KCND2: variants seen among roughly 807,000 people sequenced by gnomAD.
KCND2 encodes the protein potassium voltage-gated channel subfamily D member 2.
Under a neutral mutation model 54.4 loss-of-function variants are expected in KCND2, and 16 were observed. The observed-to-expected ratio is 0.29, with a 90% CI of 0.20 to 0.45. The LOEUF (loss-of-function observed/expected upper bound fraction) is 0.45, where lower values mean the gene tolerates loss of function less well. KCND2 is among the 20% of genes least tolerant of loss of function. The pLI is 1.00. For synonymous variants in KCND2, 317 were observed against 310.7 expected (o/e 1.02, Z -0.21); for missense variants, 486 against 824.2 (o/e 0.59, Z 5.02).
intron 1 of KCND2, among the ~76,000 whole-genome samples, chr7:120,486,571 T>A (rs1220068599): frequency 6.6e-6 from 1 of 152,106 alleles, no homozygotes; most frequent in Non-Finnish European, 1.5e-5. Flanking sequence ...TGCACATTCA[T>A]GGACTCCAGA....
intron 1 of KCND2, among the ~76,000 whole-genome samples, chr7:120,531,696 A>C (rs1791844950): frequency 6.6e-6 from 1 of 152,128 alleles, no homozygotes; most frequent in South Asian, 2.1e-4. Flanking sequence ...ACCAGCGGTC[A>C]GTTCTCAGAC....
intron 1 of KCND2, among the ~76,000 whole-genome samples, chr7:120,646,122 A>G (rs1446089946): frequency 3.3e-5 from 5 of 152,222 alleles, no homozygotes; most frequent in African/African-American, 1.2e-4. Context: ...CAATCCTGAC[A>G]CTACATTATG....
At chr7:120,327,493 T>C (rs1799995592) in intron 1 of KCND2, among the ~76,000 whole-genome samples, 1 of 152,120 alleles carries the variant, frequency 6.6e-6, no homozygotes, top group South Asian at 2.1e-4. Context: ...ATAGGAGTAT[T>C]CATTATTTCA....
chr7:120,294,478 ATC>A (rs1459763548), intron 1 of KCND2, among the ~76,000 whole-genome samples: 2 of 151,842 alleles, frequency 1.3e-5, no homozygotes, highest in Non-Finnish European at 2.9e-5. Flanking sequence ...TTATTATATT[ATC>A]TCATTTATAA....
At chr7:120,514,363 A>G (rs1803165085) in intron 1 of KCND2, among the ~76,000 whole-genome samples, 1 of 152,150 alleles carries the variant, frequency 6.6e-6, no homozygotes. Context: ...GTTGTGAGGC[A>G]GAAGTCATCG....
intron 1 of KCND2, among the ~76,000 whole-genome samples, chr7:120,356,869 T>C (rs1445439674): frequency 1.3e-5 from 2 of 152,144 alleles, no homozygotes; most frequent in East Asian, 3.9e-4. Flanking sequence ...TTTCTCTCTC[T>C]TGTCTTATTA....
intron 1 of KCND2, among the ~76,000 whole-genome samples, chr7:120,551,646 A>G (rs1792106201): frequency 6.6e-6 from 1 of 152,204 alleles, no homozygotes; most frequent in Admixed American, 6.5e-5. Flanking sequence ...GTAAAAGTCA[A>G]ATGATTCCTT....
chr7:120,282,244 AG>A (rs1799276755), intron 1 of KCND2, among the ~76,000 whole-genome samples: 1 of 152,166 alleles, frequency 6.6e-6, no homozygotes, highest in African/African-American at 2.4e-5. Flanking sequence ...CTTCATCACT[AG>A]AAAGGTGTTC....
chr7:120,719,019 T>A, intron 1 of KCND2, among the ~76,000 whole-genome samples: 1 of 152,114 alleles, frequency 6.6e-6, no homozygotes, highest in East Asian at 1.9e-4. Flanking sequence ...AGTGTTCAAT[T>A]TGTGATCAGC....
chr7:120,532,281 A>G (rs552079218), intron 1 of KCND2, among the ~76,000 whole-genome samples: 27 of 152,186 alleles, frequency 1.8e-4, no homozygotes, highest in Admixed American at 5.9e-4. Flanking sequence ...GAGAGAAATC[A>G]AACAAATAAA....
intron 1 of KCND2, among the ~76,000 whole-genome samples, chr7:120,307,536 A>T (rs1324140165): frequency 6.6e-6 from 1 of 152,084 alleles, no homozygotes; most frequent in East Asian, 1.9e-4. Context: ...TAATTCCAAG[A>T]ACTGGAAGTT....
At chr7:120,596,082 A>G (rs1190012231) in intron 1 of KCND2, among the ~76,000 whole-genome samples, 1 of 151,926 alleles carries the variant, frequency 6.6e-6, no homozygotes, top group East Asian at 1.9e-4. Flanking sequence ...TGTCAAATGA[A>G]TTTTTCCAGG....
At position 120,278,033 on chromosome 7, in the gene KCND2, TG is replaced by T. The variant is rs556596503; in HGVS notation, c.1115+2288del. ...AAATTAAGCTAATTAATGATCCTGA[TG>T]GAATAGAGCAGTCATACTTTTAAGA... On this transcript the variant is annotated intron_variant, in intron 1 of 5. Coordinates refer to ENST00000331113, the MANE Select transcript of KCND2 (RefSeq NM_012281.3). Among the ~76,000 whole-genome samples, 11 of 152,106 alleles carry T rather than the reference TG, an allele frequency of 7.2e-5. No homozygotes were observed. The East Asian group carries it at 2.1e-3, about 29-fold the overall frequency.
intron 1 of KCND2, among the ~76,000 whole-genome samples, chr7:120,609,804 A>G (rs1792928122): frequency 6.6e-6 from 1 of 152,172 alleles, no homozygotes; most frequent in African/African-American, 2.4e-5. Context: ...CAGTACAGCT[A>G]CAGCTGAGCT....
In KCND2 at chr7:120,420,679, A is replaced by G. The variant is rs546294210; in HGVS notation, c.1115+144932A>G. On this transcript the variant is annotated intron_variant, in intron 1 of 5. Transcript: ENST00000331113. The stretch of plus-strand genomic sequence containing the variant: ...CTGCAAGTAGAGAGTAAAATCCGTC[A>G]TTTGTCTCTTGATGAGTACGGAGGC... Among the ~76,000 whole-genome samples, 5 of 152,270 alleles carry G rather than the reference A, an allele frequency of 3.3e-5. No homozygotes were observed. In the East Asian group the frequency reaches 7.7e-4, roughly 24 times the overall value.
intron 1 of KCND2, among the ~76,000 whole-genome samples, chr7:120,474,307 A>T (rs1270048016): frequency 6.6e-6 from 1 of 151,998 alleles, no homozygotes; most frequent in African/African-American, 2.4e-5. Context: ...GGTCATCTGA[A>T]TGGTGGCTTC....
At chr7:120,524,348 A>G (rs1791744808) in intron 1 of KCND2, among the ~76,000 whole-genome samples, 1 of 152,172 alleles carries the variant, frequency 6.6e-6, no homozygotes, top group African/African-American at 2.4e-5. Context: ...AAAATGTAGG[A>G]GTAGAGTCTG....
At chr7:120,672,067 TCTC>T in intron 1 of KCND2, among the ~76,000 whole-genome samples, 1 of 152,254 alleles carries the variant, frequency 6.6e-6, no homozygotes, top group East Asian at 1.9e-4. Flanking sequence ...TTTATTTTCA[TCTC>T]CTTCTGCTTC....
intron 1 of KCND2, among the ~76,000 whole-genome samples, chr7:120,467,975 C>T (rs1053711105): frequency 2.0e-5 from 3 of 151,940 alleles, no homozygotes; most frequent in Admixed American, 2.0e-4. Flanking sequence ...TAGCCACTTA[C>T]GAAGTTCACT....
Sources: allele counts gnomAD v4.1 joint callset (sites outside exome capture counted in the v4.1 genomes callset), GRCh38; gene constraint gnomAD v4.1.1; transcripts MANE v1.5; gene names NCBI Gene and HGNC (gene_info 2026-07-23, HGNC 2026-07-21).